The following FGGY variants were observed in gnomAD, a reference collection of about 807,000 sequenced individuals.
FGGY encodes FGGY carbohydrate kinase domain containing.
In FGGY, 72 loss-of-function variants were observed where a neutral mutation model predicts 71.3. That is an observed-to-expected ratio of 1.01 (90% confidence interval 0.84 to 1.23). FGGY has a LOEUF of 1.23. Among genes scored for constraint, FGGY ranks in the 50% most tolerant of loss-of-function variants. The pLI, the probability that FGGY is intolerant of heterozygous loss-of-function variation, is 0.00. For synonymous variants in FGGY, 251 were observed against 250.3 expected (o/e 1.00, Z -0.02); for missense variants, 668 against 682.3 (o/e 0.98, Z 0.23).
At chr1:59,587,375 C>A (rs1388024169) in intron 8 of FGGY, among the ~76,000 whole-genome samples, 1 of 152,086 alleles carries the variant, frequency 6.6e-6, no homozygotes, top group African/African-American at 2.4e-5. Flanking sequence ...AGGGAACAGA[C>A]AAACAAAAAG....
At chr1:59,674,222 A>G in intron 14 of FGGY, 89 bp downstream of exon 14, 2 of 904,252 alleles carry the variant, frequency 2.2e-6, no homozygotes, top group Non-Finnish European at 3.5e-6. Context: ...TACAAAATAC[A>G]CACAGGATAT....
chr1:59,614,357 T>C (rs1385787860), intron 9 of FGGY, among the ~76,000 whole-genome samples: 1 of 152,200 alleles, frequency 6.6e-6, no homozygotes, highest in African/African-American at 2.4e-5. Flanking sequence ...TGCAAATCAA[T>C]AAACGTAATC....
intron 8 of FGGY, among the ~76,000 whole-genome samples, chr1:59,558,003 A>C (rs2095718087): frequency 6.6e-6 from 1 of 152,156 alleles, no homozygotes; most frequent in Non-Finnish European, 1.5e-5. Context: ...CTATCATTGA[A>C]GGGATGTGGA....
intron 6 of FGGY, among the ~76,000 whole-genome samples, chr1:59,479,303 A>AG (rs2093384214): frequency 6.6e-6 from 1 of 152,066 alleles, no homozygotes; most frequent in South Asian, 2.1e-4. Flanking sequence ...GGTGGTCACT[A>AG]GGGGAGGAAG....
chr1:59,506,271 C>T (rs777833240), intron 6 of FGGY, among the ~76,000 whole-genome samples: 108 of 152,052 alleles, frequency 7.1e-4, no homozygotes, highest in Admixed American at 1.5e-3. Context: ...TGGATCCCAA[C>T]CCATGCTGTG....
chr1:59,491,395 T>C (rs2093858792), intron 6 of FGGY, among the ~76,000 whole-genome samples: 2 of 151,880 alleles, frequency 1.3e-5, no homozygotes, highest in African/African-American at 4.8e-5. Flanking sequence ...CTTTAGTTTC[T>C]CTCATTTGTG....
chr1:59,356,761 T>A (rs1413490813), intron 4 of FGGY, among the ~76,000 whole-genome samples: 2 of 152,204 alleles, frequency 1.3e-5, no homozygotes, highest in African/African-American at 4.8e-5. Flanking sequence ...GAAAATGAGA[T>A]TTGAGCATTA....
At chr1:59,759,529 GT>G (rs576226099) in intron 15 of FGGY, among the ~76,000 whole-genome samples, 1 of 152,190 alleles carries the variant, frequency 6.6e-6, no homozygotes, top group Non-Finnish European at 1.5e-5. Flanking sequence ...AAGTTTTTAA[GT>G]TTTTTCCGTA....
intron 8 of FGGY, among the ~76,000 whole-genome samples, chr1:59,594,069 A>G (rs1293077281): frequency 6.6e-6 from 1 of 152,170 alleles, no homozygotes; most frequent in Non-Finnish European, 1.5e-5. Flanking sequence ...TAAACATCTG[A>G]TGTCTCTTTA....
chr1:59,320,660 A>G (rs1283611407), intron 1 of FGGY, among the ~76,000 whole-genome samples: 1 of 152,234 alleles, frequency 6.6e-6, no homozygotes, highest in Non-Finnish European at 1.5e-5. Context: ...AGATTGTCTA[A>G]CTAATTGCTG....
intron 11 of FGGY, among the ~76,000 whole-genome samples, chr1:59,657,909 G>T (rs1001291651): frequency 6.6e-6 from 1 of 152,196 alleles, no homozygotes; most frequent in Non-Finnish European, 1.5e-5. Context: ...TTGGGGCATG[G>T]TCTCCTCCTC....
rs2098103555 is a variant in FGGY, at chr1:59,736,345, C to T, written c.1513-21586C>T. Reference sequence around the variant, plus strand: ...ACGATACCCAAAAATGTGGAATTGACTTTGGAACTTGGTAACAGGCAGAGG... The same window carrying T: ...ACGATACCCAAAAATGTGGAATTGATTTTGGAACTTGGTAACAGGCAGAGG... On this transcript the variant is annotated intron_variant, in intron 14 of 15. Transcript: ENST00000303721. Among the ~76,000 whole-genome samples, 4 of 152,070 alleles carry T rather than the reference C, an allele frequency of 2.6e-5. 1 individual carries two copies. The South Asian group carries it at 6.2e-4, about 24-fold the overall frequency.
chr1:59,324,879 G>C (rs543967568), intron 2 of FGGY, among the ~76,000 whole-genome samples: 2 of 152,202 alleles, frequency 1.3e-5, no homozygotes, highest in Non-Finnish European at 2.9e-5. Flanking sequence ...GCTCATCTGG[G>C]AAGTGTGTGC....
At chr1:59,429,248 G>GT (rs1439005306) in intron 5 of FGGY, among the ~76,000 whole-genome samples, 2 of 143,096 alleles carry the variant, frequency 1.4e-5, no homozygotes, top group African/African-American at 2.7e-5. Context: ...CAATAATTCT[G>GT]GTTTTTTTTT....
chr1:59,341,611 C>T (rs774394979), intron 3 of FGGY, among the ~76,000 whole-genome samples: 11 of 152,138 alleles, frequency 7.2e-5, no homozygotes, highest in South Asian at 2.1e-4. Flanking sequence ...TAAATCAGGA[C>T]GGTTCTTTTT....
chr1:59,625,720 T>C (rs1228219306), intron 9 of FGGY, among the ~76,000 whole-genome samples: 1 of 152,140 alleles, frequency 6.6e-6, no homozygotes, highest in Non-Finnish European at 1.5e-5. Context: ...CTAACCTGCT[T>C]CTACCAGTTT....
chr1:59,682,737 G>T (rs535330372), intron 14 of FGGY, among the ~76,000 whole-genome samples: 1 of 152,212 alleles, frequency 6.6e-6, no homozygotes, highest in Non-Finnish European at 1.5e-5. Context: ...TCAGAGGAGG[G>T]TGGGAAGGAA....
chr1:59,609,258 G>T (rs1443518235), intron 9 of FGGY, among the ~76,000 whole-genome samples: 1 of 152,206 alleles, frequency 6.6e-6, no homozygotes, highest in Non-Finnish European at 1.5e-5. Flanking sequence ...TTAGAGAGTA[G>T]GGCAGAGACC....
At chr1:59,357,165 T>C (rs1269031382) in intron 4 of FGGY, among the ~76,000 whole-genome samples, 1 of 152,234 alleles carries the variant, frequency 6.6e-6, no homozygotes, top group Non-Finnish European at 1.5e-5. Flanking sequence ...TGCCTTCATC[T>C]ACCTGGACAG....
Sources: allele counts gnomAD v4.1 joint callset (sites outside exome capture counted in the v4.1 genomes callset), GRCh38; gene constraint gnomAD v4.1.1; transcripts MANE v1.5; gene names NCBI Gene and HGNC (gene_info 2026-07-23, HGNC 2026-07-21).